Variants in PCDH15 observed in about 807,000 individuals in gnomAD.
PCDH15 encodes the protein protocadherin related 15.
PCDH15 carries 129 observed loss-of-function variants against 178.5 expected under a neutral mutation model. The ratio of observed to expected loss-of-function variants is 0.72; its 90% CI spans 0.63 to 0.84. PCDH15 has a LOEUF of 0.84. Ranked by LOEUF, PCDH15 falls within the 40% of genes least tolerant of loss-of-function variation. The pLI is 0.00. For synonymous variants in PCDH15, 800 were observed against 732.0 expected (o/e 1.09, Z -1.50); for missense variants, 2,230 against 2,099.9 (o/e 1.06, Z -1.21).
chr10:53,983,504 T>C (rs1365509487), intron 21 of PCDH15, among the ~76,000 whole-genome samples: 1 of 152,142 alleles, frequency 6.6e-6, no homozygotes. Context: ...AAGTTCCTTA[T>C]GCAGTTTGAC....
At chr10:54,596,513 G>A (rs2154267) in intron 2 of PCDH15, among the ~76,000 whole-genome samples, 143,091 of 152,224 alleles carry the variant, frequency 0.94, 67,457 homozygotes, top group Middle Eastern at 0.98. Context: ...CTCACTTAAG[G>A]ACACAGACCA....
At chr10:55,320,131 C>T (rs1459220292), upstream of PCDH15, among the ~76,000 whole-genome samples, 3 of 152,174 alleles carry the variant, frequency 2.0e-5, no homozygotes, top group East Asian at 5.8e-4. Context: ...CACGGCCACA[C>T]ACCACATCAC....
rs2076434133 is a variant in PCDH15, at chr10:53,823,312, C to CTGAG, written c.4368-3086_4368-3083dup. The CTGAG allele has an allele frequency of 6.2e-7, 1 of 1,613,870 alleles. No homozygotes were observed. The highest frequency in any genetic ancestry group is 1.1e-5 in the South Asian group (1 of 91,044). On this transcript the variant is annotated intron_variant, in intron 32 of 37. Transcript: ENST00000644397. ...TGTTGATGTTTCCTGTCTTCTGAGA[C>CTGAG]TGAGTTATTTCCCCTGCTTTGTTGA...
chr10:54,147,989 A>G (rs2044154566), intron 14 of PCDH15, among the ~76,000 whole-genome samples: 1 of 151,966 alleles, frequency 6.6e-6, no homozygotes, highest in Non-Finnish European at 1.5e-5. Context: ...TGGTGTGCAA[A>G]ACTAAATTAT....
intron 3 of PCDH15, among the ~76,000 whole-genome samples, chr10:54,494,695 G>C: frequency 6.6e-6 from 1 of 152,000 alleles, no homozygotes; most frequent in East Asian, 1.9e-4. Flanking sequence ...CAGATATTAT[G>C]GTCATAGTTT....
intron 1 of PCDH15, among the ~76,000 whole-genome samples, chr10:54,696,972 T>C (rs2095237240): frequency 6.6e-6 from 1 of 152,040 alleles, no homozygotes; most frequent in Non-Finnish European, 1.5e-5. Flanking sequence ...TTAGAGATGG[T>C]GTATCACTAT....
intron 9 of PCDH15, among the ~76,000 whole-genome samples, chr10:54,220,808 G>A (rs1404321622): frequency 1.3e-5 from 2 of 151,158 alleles, no homozygotes; most frequent in African/African-American, 2.4e-5. Flanking sequence ...CTGGGCGACA[G>A]AGCGAGACTC....
At chr10:55,008,896 AC>A (rs1264647747) in intron 2 of PCDH15, among the ~76,000 whole-genome samples, 9 of 152,064 alleles carry the variant, frequency 5.9e-5, no homozygotes, top group Admixed American at 1.3e-4. Flanking sequence ...AAAAACAAAA[AC>A]AAAAACAAAA....
At chr10:54,474,890 G>A (rs933424518) in intron 3 of PCDH15, among the ~76,000 whole-genome samples, 1 of 151,766 alleles carries the variant, frequency 6.6e-6, no homozygotes, top group Non-Finnish European at 1.5e-5. Flanking sequence ...CAATACAAAT[G>A]TTACATAAAA....
Position 54,287,206 on chromosome 10 carries a change from C to T in PCDH15, c.876+30065G>A, listed in dbSNP as rs573797441. On this transcript the variant is annotated intron_variant, in intron 8 of 37. Coordinates refer to ENST00000644397, the MANE Select transcript of PCDH15 (RefSeq NM_001384140.1). Reference sequence around the variant, plus strand: ...TTCTAAAGTTTAATGAACTATATACCCATCAGTGTATTAAGCAGAAAAATA... The same window carrying T: ...TTCTAAAGTTTAATGAACTATATACTCATCAGTGTATTAAGCAGAAAAATA... Among the ~76,000 whole-genome samples the T allele has an allele frequency of 2.2e-4, 34 of 151,872 alleles. No individual in the cohort carries two copies. In the South Asian group the frequency reaches 6.4e-3, roughly 29 times the overall value.
intron 2 of PCDH15, among the ~76,000 whole-genome samples, chr10:55,055,357 C>T (rs967040207): frequency 6.6e-6 from 1 of 152,132 alleles, no homozygotes; most frequent in Non-Finnish European, 1.5e-5. Context: ...GCAGAAGAAA[C>T]AAACCCTGAA....
At chr10:55,344,767 G>T (rs572507375) in intron 2 of PCDH15, among the ~76,000 whole-genome samples, 1 of 151,912 alleles carries the variant, frequency 6.6e-6, no homozygotes, top group Non-Finnish European at 1.5e-5. Flanking sequence ...ACAAATTTAG[G>T]AGTAATTACT....
chr10:54,186,637 T>A (rs1468532430), intron 11 of PCDH15, among the ~76,000 whole-genome samples: 2 of 151,958 alleles, frequency 1.3e-5, no homozygotes, highest in African/African-American at 4.8e-5. Flanking sequence ...AATAAGAAAG[T>A]AATACTACAC....
chr10:53,829,430 C>T (rs2076891875), intron 30 of PCDH15, among the ~76,000 whole-genome samples: 1 of 152,134 alleles, frequency 6.6e-6, no homozygotes, highest in East Asian at 1.9e-4. Flanking sequence ...AAGAATTTTT[C>T]TCACTGATTT....
At chr10:54,417,569 C>T (rs1246666874) in intron 3 of PCDH15, among the ~76,000 whole-genome samples, 2 of 151,984 alleles carry the variant, frequency 1.3e-5, no homozygotes, top group Admixed American at 1.3e-4. Flanking sequence ...TTTCATAGCA[C>T]TAGCAAAACA....
At chr10:53,831,123 GA>G in intron 30 of PCDH15, 191 bp downstream of exon 30, 1 of 768,262 alleles carries the variant, frequency 1.3e-6, no homozygotes. Flanking sequence ...GGCCATCAGT[GA>G]AAAATGTACT....
intron 2 of PCDH15, among the ~76,000 whole-genome samples, chr10:54,551,326 C>T (rs1228321774): frequency 6.6e-6 from 1 of 151,742 alleles, no homozygotes; most frequent in Non-Finnish European, 1.5e-5. Context: ...TATACAAAAA[C>T]AAGATGAACT....
At chr10:54,500,908 A>G (rs999504984) in intron 3 of PCDH15, among the ~76,000 whole-genome samples, 2 of 152,140 alleles carry the variant, frequency 1.3e-5, no homozygotes, top group Admixed American at 1.3e-4. Flanking sequence ...CTATGCGGCC[A>G]TAAAAAAGAA....
chr10:53,934,002 C>T (rs2085331173), intron 25 of PCDH15, among the ~76,000 whole-genome samples: 1 of 152,076 alleles, frequency 6.6e-6, no homozygotes, highest in Non-Finnish European at 1.5e-5. Context: ...ATGTCCTTCG[C>T]CCACTTTTTG....
Sources: allele counts gnomAD v4.1 joint callset (sites outside exome capture counted in the v4.1 genomes callset), GRCh38; gene constraint gnomAD v4.1.1; transcripts MANE v1.5; gene names NCBI Gene and HGNC (gene_info 2026-07-23, HGNC 2026-07-21).